Variants in DPYS observed in about 807,000 individuals in gnomAD.
DPYS encodes dihydropyrimidine amidohydrolase.
In DPYS, 39 loss-of-function variants were observed where a neutral mutation model predicts 50.3. That is an observed-to-expected ratio of 0.78 (90% CI 0.60 to 1.01). The LOEUF is 1.01. DPYS is among the 50% of genes least tolerant of loss of function. The probability of loss-of-function intolerance (pLI) is 0.00; values close to 1 mark genes in which losing one functional copy is unlikely to be tolerated. For synonymous variants in DPYS, 245 were observed against 250.7 expected (o/e 0.98, Z 0.22); for missense variants, 659 against 680.9 (o/e 0.97, Z 0.36).
At chr8:104,424,045 C>T (rs973461931) in intron 7 of DPYS, 3 of 984,894 alleles carry the variant, frequency 3.0e-6, no homozygotes, top group South Asian at 4.7e-5. Context: ...TGCAACACAA[C>T]TTCTACATCC....
intron 3 of DPYS, 92 bp downstream of exon 3, chr8:104,447,232 T>C (rs1813562417): frequency 6.8e-7 from 1 of 1,468,596 alleles, no homozygotes; most frequent in Admixed American, 1.8e-5. Flanking sequence ...TTCCAATGCA[T>C]TAAATGAGTT....
At chr8:104,404,254 G>A (rs1811921013) in intron 7 of DPYS, among the ~76,000 whole-genome samples, 1 of 152,080 alleles carries the variant, frequency 6.6e-6, no homozygotes, top group African/African-American at 2.4e-5. Context: ...TAGTAAAAAG[G>A]GTTCCCAGCT....
intron 1 of DPYS, among the ~76,000 whole-genome samples, chr8:104,452,505 T>C (rs1813780171): frequency 6.6e-6 from 1 of 152,190 alleles, no homozygotes; most frequent in Non-Finnish European, 1.5e-5. Flanking sequence ...CAATTGTACC[T>C]AAACCATAGG....
chr8:104,437,644 A>T (rs1813196971), intron 4 of DPYS, among the ~76,000 whole-genome samples: 3 of 152,182 alleles, frequency 2.0e-5, no homozygotes. Context: ...TTAACCATAG[A>T]AATACCCAAT....
At position 104,444,426 on chromosome 8, in the gene DPYS, C is replaced by A. The variant is rs1186704630; in HGVS notation, c.615G>T (p.Lys205Asn). ...GGCCTGTTATCCCCAGAGCCAACAT[C>A]TTCTTTGCTCCCTAAAAAGACAGCA... ...NGDLIAEGAK[K>N]MLALGITGPE... Residue 205 changes from lysine to asparagine, a missense_variant, in exon 4 of 10, where the codon AAG becomes AAT. Transcript: ENST00000351513. 2 of 1,614,086 alleles carry A rather than the reference C, an allele frequency of 1.2e-6. No homozygotes were observed. The highest frequency in any genetic ancestry group is 2.7e-5 in the African/African-American group (2 of 74,944).
chr8:104,452,954 A>G (rs1813801040), intron 1 of DPYS, among the ~76,000 whole-genome samples: 2 of 152,156 alleles, frequency 1.3e-5, no homozygotes, highest in South Asian at 4.1e-4. Context: ...CATCTTCCCT[A>G]TATCGTGTTA....
chr8:104,433,239 G>T (rs1417638621), intron 4 of DPYS, among the ~76,000 whole-genome samples: 1 of 152,136 alleles, frequency 6.6e-6, no homozygotes, highest in East Asian at 1.9e-4. Context: ...AAGCGGCCCA[G>T]TCTGTGGCAC....
chr8:104,426,959 G>A (rs922916839), intron 6 of DPYS, among the ~76,000 whole-genome samples: 8 of 152,012 alleles, frequency 5.3e-5, no homozygotes, highest in Admixed American at 2.0e-4. Flanking sequence ...CCAACACTTC[G>A]GGAGGCGAAG....
chr8:104,404,051 C>T (rs988569659), intron 7 of DPYS, among the ~76,000 whole-genome samples: 8 of 152,212 alleles, frequency 5.3e-5, no homozygotes, highest in African/African-American at 1.4e-4. Context: ...ATAGGCATAA[C>T]AAATATTTAT....
At chr8:104,389,429 C>T (rs1811317432) in intron 8 of DPYS, among the ~76,000 whole-genome samples, 1 of 152,144 alleles carries the variant, frequency 6.6e-6, no homozygotes, top group Admixed American at 6.6e-5. Context: ...CAGACAGTTC[C>T]CAAACCTCAT....
chr8:104,456,180 G>A (rs550466978), intron 1 of DPYS, among the ~76,000 whole-genome samples: 1 of 152,238 alleles, frequency 6.6e-6, no homozygotes, highest in South Asian at 2.1e-4. Flanking sequence ...CGTGTAGTAG[G>A]CTATACCATC....
intron 8 of DPYS, among the ~76,000 whole-genome samples, chr8:104,384,020 C>T (rs114694323): frequency 0.01 from 1,589 of 152,200 alleles, 43 homozygotes; most frequent in African/African-American, 0.036. Flanking sequence ...GTCTCTGACC[C>T]GACTGGCTGG....
chr8:104,459,557 T>C (rs974555334), intron 1 of DPYS, among the ~76,000 whole-genome samples: 2 of 152,230 alleles, frequency 1.3e-5, no homozygotes, highest in African/African-American at 4.8e-5. Flanking sequence ...GATTATTCCA[T>C]ATTAGATGGC....
At chr8:104,406,933 C>T (rs1301450119) in intron 7 of DPYS, among the ~76,000 whole-genome samples, 2 of 152,134 alleles carry the variant, frequency 1.3e-5, no homozygotes, top group East Asian at 1.9e-4. Flanking sequence ...GTTTCCTGAT[C>T]GTTTTGCTTC....
At chr8:104,463,155 G>C (rs924596905) in intron 1 of DPYS, among the ~76,000 whole-genome samples, 3 of 151,948 alleles carry the variant, frequency 2.0e-5, no homozygotes, top group African/African-American at 7.3e-5. Flanking sequence ...TAAACTTTAG[G>C]GGCCCATTTC....
At chr8:104,419,720 G>A (rs1191444599) in intron 7 of DPYS, 4 of 152,162 alleles carry the variant, frequency 2.6e-5, no homozygotes, top group Admixed American at 6.5e-5. Flanking sequence ...ATACCTGATC[G>A]ATATTCCTCA....
At chr8:104,389,027 T>G (rs1442872085) in intron 8 of DPYS, among the ~76,000 whole-genome samples, 1 of 152,220 alleles carries the variant, frequency 6.6e-6, no homozygotes, top group Non-Finnish European at 1.5e-5. Context: ...ATTTACCAGA[T>G]GCCACCTATG....
intron 7 of DPYS, among the ~76,000 whole-genome samples, chr8:104,399,886 A>AAG (rs1001107886): frequency 6.6e-6 from 1 of 151,212 alleles, no homozygotes; most frequent in Non-Finnish European, 1.5e-5. Context: ...AAAAAAAAAA[A>AAG]AAAAGAAAGA....
Position 104,463,044 on chromosome 8 carries a change from AG to A in DPYS, c.264+3612del, listed in dbSNP as rs142257658. The stretch of plus-strand genomic sequence containing the variant: ...TTAAAATTGAGTCCCATCACAATCT[AG>A]TGATCGATAAATAGAGTACCACAAA... On this transcript the variant is annotated intron_variant, in intron 1 of 9. Transcript: ENST00000351513. Among the ~76,000 whole-genome samples, 954 of 152,350 alleles carry A rather than the reference AG, an allele frequency of 6.3e-3. 15 individuals are homozygous for A. The highest frequency in any genetic ancestry group is 0.022 in the African/African-American group (912 of 41,584).
Sources: allele counts gnomAD v4.1 joint callset (sites outside exome capture counted in the v4.1 genomes callset), GRCh38; gene constraint gnomAD v4.1.1; transcripts MANE v1.5; gene names NCBI Gene and HGNC (gene_info 2026-07-23, HGNC 2026-07-21).